The following PBX4 variants were observed in gnomAD, a reference collection of about 807,000 sequenced individuals.
PBX4 encodes the protein pre-B-cell leukemia transcription factor 4.
A neutral mutation model predicts 35.1 loss-of-function variants in PBX4; 26 were observed. The observed-to-expected ratio is 0.74, with a 90% confidence interval of 0.54 to 1.03. The LOEUF is 1.03. PBX4 is among the 50% of genes least tolerant of loss of function. PBX4 has a pLI of 0.00. For missense variants in PBX4, 448 were observed against 504.3 expected, an observed-to-expected ratio of 0.89 and a Z score of 1.07; for synonymous variants, 199 against 204.2, an observed-to-expected ratio of 0.97 and a Z score of 0.22.
At chr19:19,597,747 GT>G (rs773148387) in intron 2 of PBX4, among the ~76,000 whole-genome samples, 11 of 152,258 alleles carry the variant, frequency 7.2e-5, no homozygotes, top group Non-Finnish European at 1.2e-4. Flanking sequence ...ATGACCCTTG[GT>G]TTAAATATCT....
chr19:19,605,863 T>C (rs2061627985), intron 1 of PBX4, among the ~76,000 whole-genome samples: 1 of 137,596 alleles, frequency 7.3e-6, no homozygotes, highest in Non-Finnish European at 1.6e-5. Context: ...TTTTTTTTTT[T>C]ACCAGTTTTC....
chr19:19,610,972 T>C (rs2061659955), intron 1 of PBX4, among the ~76,000 whole-genome samples: 1 of 152,168 alleles, frequency 6.6e-6, no homozygotes, highest in African/African-American at 2.4e-5. Flanking sequence ...GACTGATAGA[T>C]CCTCTCATGC....
At chr19:19,568,607 A>C (rs111309221) in intron 5 of PBX4, among the ~76,000 whole-genome samples, 2 of 142,616 alleles carry the variant, frequency 1.4e-5, no homozygotes, top group Non-Finnish European at 3.1e-5. Flanking sequence ...CTCACACTCC[A>C]TCTGTATCCC....
chr19:19,584,677 G>C (rs1354453826), intron 2 of PBX4, among the ~76,000 whole-genome samples: 1 of 147,458 alleles, frequency 6.8e-6, no homozygotes, highest in Non-Finnish European at 1.5e-5. Flanking sequence ...CTAAACTGGA[G>C]TGCAGTGGCA....
chr19:19,563,723 T>G lies in PBX4; in HGVS notation c.926-108A>C. 3.2e-6 allele frequency: 3 copies of G among 926,322 alleles called. No individual in the cohort carries two copies. The highest frequency in any genetic ancestry group is 3.3e-5 in the African/African-American group (2 of 60,866). The allele number at this position is 926,322 out of a possible 1,614,324, so 57.4% of individuals were successfully genotyped here. A position where few individuals can be genotyped will look rare whatever the true frequency, so the allele number is the denominator to read the frequency against. On this transcript the variant is annotated intron_variant, in intron 6 of 7. Transcript: ENST00000251203. The surrounding 1 kb of genome is among the most constrained non-coding windows in gnomAD (Gnocchi z 5.1). The stretch of plus-strand genomic sequence containing the variant: ...CCTCGAATGTGGCTCCTGCCCCTCC[T>G]CAGCATCCGGCCTCTGCTCCTCAGC...
chr19:19,589,157 G>A lies in PBX4; in HGVS notation c.193+10135C>T, dbSNP rs566862553. On this transcript the variant is annotated intron_variant, in intron 2 of 7. Coordinates refer to ENST00000251203, the MANE Select transcript of PBX4 (RefSeq NM_025245.3). ...AAGAACGTAAAAAGAGGCTGGGTGC[G>A]GTGGCTCACACCTATAGTCCCAGCA... Among the ~76,000 whole-genome samples, 15 of 152,168 alleles carry A rather than the reference G, an allele frequency of 9.9e-5. No individual in the cohort carries two copies. In the East Asian group the frequency reaches 1.9e-3, roughly 20 times the overall value.
At chr19:19,593,785 G>T (rs112776111) in intron 2 of PBX4, among the ~76,000 whole-genome samples, 2,287 of 152,222 alleles carry the variant, frequency 0.015, 77 homozygotes, top group South Asian at 0.076. Context: ...CCAGGTGGCC[G>T]GTGCTCTGAG....
chr19:19,615,619 C>G (rs774162983), intron 1 of PBX4, among the ~76,000 whole-genome samples: 2 of 152,026 alleles, frequency 1.3e-5, no homozygotes, highest in Non-Finnish European at 2.9e-5. Context: ...AGGCCAGGCA[C>G]AGTAGTTCAC....
Position 19,565,071 on chromosome 19 carries a change from T to G in PBX4, c.787A>C (p.Asn263His). 6.2e-7 allele frequency: 1 copy of G among 1,614,232 alleles called. No individual in the cohort carries two copies. The highest frequency in any genetic ancestry group is 8.5e-7 in the Non-Finnish European group (1 of 1,180,046). ...TISQVSNWFG[N>H]KRIRYKKNMG... ...TTCTTTTTATACCGGATTCTTTTGT[T>G]GCCAAACCAGTTAGAGACCTGCGGA... Residue 263 changes from asparagine (N) to histidine (H), a missense_variant, in exon 6 of 8, where the codon AAC becomes CAC. Transcript: ENST00000251203.
chr19:19,587,145 CA>C (rs987439826), intron 2 of PBX4, among the ~76,000 whole-genome samples: 16 of 151,646 alleles, frequency 1.1e-4, no homozygotes, highest in African/African-American at 3.9e-4. Context: ...GCTGGGATTA[CA>C]GGCACCCGCC....
intron 6 of PBX4, among the ~76,000 whole-genome samples, chr19:19,564,499 G>A (rs189931248): frequency 2.2e-4 from 33 of 152,156 alleles, no homozygotes; most frequent in African/African-American, 7.7e-4. Context: ...TCCTGACCTC[G>A]TGATCCGCCC....
chr19:19,570,689 G>C lies in PBX4; in HGVS notation c.338C>G (p.Pro113Arg). ...GAVARAGTAT[P>R]GGCPNDNSIE... is the part of the protein sequence containing the mutation. Reference sequence around the variant, plus strand: ...GCTATTGTCATTTGGACAGCCACCTGGTGTTGCTGTGCCGGCCCTGGCCAC... The same window carrying C: ...GCTATTGTCATTTGGACAGCCACCTCGTGTTGCTGTGCCGGCCCTGGCCAC... Residue 113 changes from proline to arginine, a missense_variant, in exon 3 of 8, where the codon CCA (proline) becomes CGA (arginine). By Grantham distance (103) the Pro-to-Arg change is moderately radical. Coordinates refer to ENST00000251203, the MANE Select transcript of PBX4 (RefSeq NM_025245.3). 1 of 1,614,154 alleles carries C rather than the reference G, an allele frequency of 6.2e-7. No individual in the cohort carries two copies. The highest frequency in any genetic ancestry group is 8.5e-7 in the Non-Finnish European group (1 of 1,180,026).
intron 2 of PBX4, among the ~76,000 whole-genome samples, chr19:19,588,630 T>G (rs1216514380): frequency 6.6e-6 from 1 of 152,070 alleles, no homozygotes; most frequent in Non-Finnish European, 1.5e-5. Flanking sequence ...ATGAGAGCCA[T>G]GGGGGAAAGG....
In PBX4 at chr19:19,565,055, T is replaced by C; in HGVS notation, c.803A>G (p.Tyr268Cys). The stretch of plus-strand genomic sequence containing the variant: ...TTGAAACTTCCCCATGTTCTTTTTA[T>C]ACCGGATTCTTTTGTTGCCAAACCA... ...SNWFGNKRIR[Y>C]KKNMGKFQEE... The change falls in exon 6 of 8, where the codon TAT becomes TGT. Residue 268 changes from tyrosine (Y) to cysteine (C), a missense_variant. Physicochemically the swap from Tyr to Cys is radical, Grantham distance 194. Coordinates refer to ENST00000251203, the MANE Select transcript of PBX4 (RefSeq NM_025245.3). The C allele has an allele frequency of 6.2e-7, 1 of 1,614,250 alleles. No individual in the cohort carries two copies. The highest frequency in any genetic ancestry group is 8.5e-7 in the Non-Finnish European group (1 of 1,180,042).
chr19:19,588,305 G>A lies in PBX4; in HGVS notation c.193+10987C>T, dbSNP rs575280720. The A allele has an allele frequency of 5.2e-5, 57 of 1,098,770 alleles. 1 individual carries two copies. Among genetic ancestry groups the A allele is most frequent in the African/African-American group, 4.6e-4 (30 of 64,696 alleles). 68.1% of individuals were successfully genotyped at this position (1,098,770 alleles called of 1,614,324 possible). ...CATATGCACACCAGAGTGCAGGGAC[G>A]CACATAGGAGTCACAGATAACACAT... is the stretch of plus-strand genomic sequence containing the variant. On this transcript the variant is annotated intron_variant, in intron 2 of 7. Coordinates refer to ENST00000251203, the MANE Select transcript of PBX4 (RefSeq NM_025245.3).
intron 1 of PBX4, 45 bp downstream of exon 1, chr19:19,618,466 A>G: frequency 2.2e-6 from 3 of 1,376,458 alleles, no homozygotes; most frequent in South Asian, 1.7e-5. Context: ...CGCCAACCTC[A>G]CTGCCACGAC....
At chr19:19,602,216 C>T (rs984357611) in intron 1 of PBX4, among the ~76,000 whole-genome samples, 4 of 151,940 alleles carry the variant, frequency 2.6e-5, no homozygotes, top group Non-Finnish European at 5.9e-5. Context: ...GAGGACCAGT[C>T]TAGGCAACAT....
At chr19:19,602,417 C>T (rs971241541) in intron 1 of PBX4, among the ~76,000 whole-genome samples, 6 of 151,954 alleles carry the variant, frequency 3.9e-5, no homozygotes. Context: ...ACAAACATAA[C>T]AGGTGCTAAA....
chr19:19,584,272 T>C (rs2061474814), intron 2 of PBX4, among the ~76,000 whole-genome samples: 1 of 152,038 alleles, frequency 6.6e-6, no homozygotes, highest in South Asian at 2.1e-4. Context: ...AATCAAAGAA[T>C]AGAAAGAACC....
Sources: allele counts gnomAD v4.1 joint callset (sites outside exome capture counted in the v4.1 genomes callset), GRCh38; gene constraint gnomAD v4.1.1; non-coding constraint Gnocchi (gnomAD v3.1); transcripts MANE v1.5; gene names NCBI Gene and HGNC (gene_info 2026-07-23, HGNC 2026-07-21).